Variants in GNG7 observed in about 807,000 individuals in gnomAD.
GNG7 encodes the protein guanine nucleotide-binding protein G(I)/G(S)/G(O) subunit gamma-7.
Under a neutral mutation model 4.0 loss-of-function variants are expected in GNG7, and 1 was observed. The ratio of observed to expected loss-of-function variants is 0.25; its 90% CI spans 0.09 to 1.18. The LOEUF is 1.18. Ranked by LOEUF, GNG7 falls within the 50% of genes most tolerant of loss-of-function variation. The pLI, the probability that GNG7 is intolerant of heterozygous loss-of-function variation, is 0.50. For missense variants in GNG7, 86 were observed against 91.9 expected, an observed-to-expected ratio of 0.94 and a Z score of 0.26; for synonymous variants, 34 against 36.9, an observed-to-expected ratio of 0.92 and a Z score of 0.29.
At chr19:2,659,608 A>G (rs868730600) in intron 1 of GNG7, among the ~76,000 whole-genome samples, 2 of 142,974 alleles carry the variant, frequency 1.4e-5, no homozygotes, top group Non-Finnish European at 3.0e-5. Context: ...AAAAAAAAAA[A>G]AAAGAGAGGA....
At chr19:2,692,636 A>G (rs1221432900) in intron 1 of GNG7, among the ~76,000 whole-genome samples, 1 of 125,456 alleles carries the variant, frequency 8.0e-6, no homozygotes, top group Non-Finnish European at 1.6e-5. Flanking sequence ...CTCCATCTCG[A>G]AAAAAAAAAA....
chr19:2,537,797 GAC>G (rs1056508872), intron 3 of GNG7, among the ~76,000 whole-genome samples: 3 of 152,030 alleles, frequency 2.0e-5, no homozygotes, highest in African/African-American at 7.3e-5. Context: ...TGAGGGAAGC[GAC>G]ACAGAATTTC....
At chr19:2,685,189 C>T (rs1568284656) in intron 1 of GNG7, among the ~76,000 whole-genome samples, 1 of 150,794 alleles carries the variant, frequency 6.6e-6, no homozygotes, top group African/African-American at 2.4e-5. Flanking sequence ...GGGGAGGGGG[C>T]TGGGGAGTCT....
chr19:2,518,147 G>A (rs891347473), intron 4 of GNG7, among the ~76,000 whole-genome samples: 3 of 152,154 alleles, frequency 2.0e-5, no homozygotes, highest in East Asian at 1.9e-4. Flanking sequence ...CCCCAAGATC[G>A]TCGCCGTTGA....
intron 3 of GNG7, chr19:2,538,762 A>ATT (rs1377361898): frequency 1.8e-5 from 7 of 393,128 alleles, no homozygotes; most frequent in Non-Finnish European, 3.5e-5. Context: ...AGATATATAT[A>ATT]TTTTTCTTTT....
At position 2,633,019 on chromosome 19, in the gene GNG7, C is replaced by T. The variant is rs938529115; in HGVS notation, c.-78+13205G>A. On this transcript the variant is annotated intron_variant, in intron 2 of 4. Coordinates refer to ENST00000382159, the MANE Select transcript of GNG7 (RefSeq NM_052847.3). The surrounding 1 kb of genome is among the most constrained non-coding windows in gnomAD (Gnocchi z 5.9). ...CCAGGCCCCTAACTTCTCAACAGAC[C>T]CCACCTTGGGCCTCCCCAGGCTGCA... is the stretch of plus-strand genomic sequence containing the variant. Among the ~76,000 whole-genome samples the T allele has an allele frequency of 4.6e-5, 7 of 152,186 alleles. No homozygotes were observed. Among genetic ancestry groups the T allele is most frequent in the Non-Finnish European group, 1.0e-4 (7 of 68,032 alleles).
chr19:2,523,984 A>G (rs1978324871), intron 3 of GNG7, among the ~76,000 whole-genome samples: 1 of 152,170 alleles, frequency 6.6e-6, no homozygotes, highest in Non-Finnish European at 1.5e-5. Context: ...GAGAGCTTCA[A>G]AGCAGCCACA....
chr19:2,582,974 G>A (rs1181290544), intron 2 of GNG7, among the ~76,000 whole-genome samples: 2 of 151,980 alleles, frequency 1.3e-5, no homozygotes. Flanking sequence ...CAGCCAAATT[G>A]TTAAATATTT....
intron 2 of GNG7, among the ~76,000 whole-genome samples, chr19:2,615,752 C>T (rs1376838239): frequency 1.3e-5 from 2 of 152,166 alleles, no homozygotes; most frequent in Non-Finnish European, 2.9e-5. Context: ...CATGAGCCAC[C>T]ACGCCTGGCC....
intron 1 of GNG7, among the ~76,000 whole-genome samples, chr19:2,667,336 C>CA (rs1181887663): frequency 6.6e-6 from 1 of 151,978 alleles, no homozygotes; most frequent in Non-Finnish European, 1.5e-5. Context: ...AACAAACAAA[C>CA]AAACAACAAA....
chr19:2,655,372 G>A (rs1013260224), intron 1 of GNG7, among the ~76,000 whole-genome samples: 1 of 152,026 alleles, frequency 6.6e-6, no homozygotes. Flanking sequence ...ACCAAAATGA[G>A]ATACCTGTTA....
rs1972664136 is a variant in GNG7 at position 2,512,085 on chromosome 19, G to T, written c.*2937C>A. 1.0e-6 allele frequency: 1 copy of T among 985,828 alleles called. No individual in the cohort carries two copies. Among genetic ancestry groups the T allele is most frequent in the African/African-American group, 1.7e-5 (1 of 57,248 alleles). 61.1% of individuals were successfully genotyped at this position (985,828 alleles called of 1,614,324 possible). On this transcript the variant is annotated 3_prime_UTR_variant, in exon 5 of 5. Transcript: ENST00000382159. This position sits in a 1 kb window ranked among gnomAD's most constrained non-coding sequence, Gnocchi z 4.7. ...TCCCACCCGACGCTGCCTTGTGTGT[G>T]TGCGTGGGTGGGGGTGAGTGTCCTT...
chr19:2,559,945 C>T (rs1979690111), intron 2 of GNG7, among the ~76,000 whole-genome samples: 1 of 152,088 alleles, frequency 6.6e-6, no homozygotes, highest in South Asian at 2.1e-4. Flanking sequence ...GAGAAGGGGC[C>T]TCAGCACGAT....
At chr19:2,668,406 T>G (rs1224769017) in intron 1 of GNG7, among the ~76,000 whole-genome samples, 1 of 151,464 alleles carries the variant, frequency 6.6e-6, no homozygotes, top group Non-Finnish European at 1.5e-5. Flanking sequence ...GCAGGGGAAA[T>G]TTGCGCTTAT....
intron 1 of GNG7, among the ~76,000 whole-genome samples, chr19:2,678,523 C>G (rs72978791): frequency 0.17 from 25,797 of 152,160 alleles, 3,156 homozygotes; most frequent in East Asian, 0.55. Context: ...GTACACAGGT[C>G]ACACTTGGCT....
intron 2 of GNG7, among the ~76,000 whole-genome samples, chr19:2,566,009 T>G (rs1476032852): frequency 1.3e-5 from 2 of 151,638 alleles, no homozygotes; most frequent in East Asian, 3.9e-4. Context: ...AATACAAAAA[T>G]TAGTCAGGCG....
intron 2 of GNG7, among the ~76,000 whole-genome samples, chr19:2,638,235 C>A (rs370897188): frequency 6.6e-6 from 1 of 150,976 alleles, no homozygotes; most frequent in African/African-American, 2.4e-5. Context: ...TGGTGGCATG[C>A]ACCTGTAATC....
At chr19:2,602,995 CTTTCT>C (rs1981260492) in intron 2 of GNG7, among the ~76,000 whole-genome samples, 1 of 144,352 alleles carries the variant, frequency 6.9e-6, no homozygotes, top group African/African-American at 2.6e-5. Context: ...TCCTTCCTTC[CTTTCT>C]TTTCTTTCTC....
chr19:2,616,781 A>C (rs1386530683), intron 2 of GNG7, among the ~76,000 whole-genome samples: 1 of 151,934 alleles, frequency 6.6e-6, no homozygotes, highest in African/African-American at 2.4e-5. Flanking sequence ...CAAAAAAAAA[A>C]ACCAGACAAA....
Sources: allele counts gnomAD v4.1 joint callset (sites outside exome capture counted in the v4.1 genomes callset), GRCh38; gene constraint gnomAD v4.1.1; non-coding constraint Gnocchi (gnomAD v3.1); transcripts MANE v1.5; gene names NCBI Gene and HGNC (gene_info 2026-07-23, HGNC 2026-07-21).